GPHN: variants seen among roughly 807,000 people sequenced by gnomAD.
The protein encoded by GPHN is gephyrin.
GPHN carries 17 observed loss-of-function variants against 95.5 expected under a neutral mutation model. The ratio of observed to expected loss-of-function variants is 0.18; its 90% CI spans 0.12 to 0.27. The LOEUF is 0.27. Ranked by LOEUF, GPHN falls within the 10% of genes least tolerant of loss-of-function variation. The pLI is 1.00. For synonymous variants in GPHN, 320 were observed against 322.5 expected (o/e 0.99, Z 0.08); for missense variants, 660 against 978.1 (o/e 0.67, Z 4.34).
chr14:67,226,767 A>G, the GPHN span, among the ~76,000 whole-genome samples: 2 of 152,212 alleles, frequency 1.3e-5, no homozygotes, highest in Admixed American at 6.5e-5. Context: ...TCCACACTCC[A>G]TAATTCCCTG....
intron 4 of GPHN, among the ~76,000 whole-genome samples, chr14:66,833,521 T>A (rs1473791227): frequency 1.3e-5 from 2 of 152,176 alleles, no homozygotes; most frequent in African/African-American, 4.8e-5. Context: ...ATGAGTCTCC[T>A]ATCAGCCAGT....
chr14:67,221,108 C>T, the GPHN span, among the ~76,000 whole-genome samples: 4 of 152,114 alleles, frequency 2.6e-5, no homozygotes, highest in Non-Finnish European at 5.9e-5. Flanking sequence ...TGATTATTAT[C>T]AGTTTTAAAA....
chr14:67,292,853 A>T, the GPHN span: 2 of 648,846 alleles, frequency 3.1e-6, no homozygotes, highest in Non-Finnish European at 4.8e-6. Flanking sequence ...TTAATAATGT[A>T]TTGTGACAGT....
At chr14:66,999,741 C>G (rs2072088272) in intron 9 of GPHN, among the ~76,000 whole-genome samples, 1 of 151,762 alleles carries the variant, frequency 6.6e-6, no homozygotes. Flanking sequence ...TTTTCAAATC[C>G]TTTGAAAAGA....
chr14:66,798,632 A>T (rs1005540929), intron 3 of GPHN, among the ~76,000 whole-genome samples: 7 of 151,788 alleles, frequency 4.6e-5, no homozygotes, highest in African/African-American at 1.7e-4. Context: ...GATCCTTTGA[A>T]TTTCTGCAGT....
chr14:67,132,756 C>A (rs2079800039), intron 17 of GPHN, among the ~76,000 whole-genome samples: 1 of 151,902 alleles, frequency 6.6e-6, no homozygotes, highest in African/African-American at 2.4e-5. Flanking sequence ...CTACCCCAAA[C>A]TCATAAAAAG....
rs139585227 is a variant in GPHN, at chr14:67,049,211, T to TTTGTTGTTGTTGTTGTTG, written c.1007-9423_1007-9406dup. 5.6e-4 allele frequency among the ~76,000 whole-genome samples: 84 copies of TTTGTTGTTGTTGTTGTTG among 150,946 alleles called. 1 individual carries two copies. The highest frequency in any genetic ancestry group is 3.4e-3 in the Middle Eastern group (1 of 294). ...TTGGTCCTTTTTCCTGCTGATTAAG[T>TTTGTTGTTGTTGTTGTTG]TTGTTGTTGTTGTTGTTGTTGTTGT... On this transcript the variant is annotated intron_variant, in intron 10 of 22. Coordinates refer to ENST00000478722, the MANE Select transcript of GPHN (RefSeq NM_020806.5).
chr14:66,596,469 T>G (rs1333690215), intron 1 of GPHN, among the ~76,000 whole-genome samples: 2 of 152,134 alleles, frequency 1.3e-5, no homozygotes, highest in African/African-American at 4.8e-5. Context: ...CAGGCCTGCA[T>G]CAAGCCACTC....
chr14:67,092,180 C>T (rs981040536), intron 12 of GPHN, among the ~76,000 whole-genome samples: 1 of 152,076 alleles, frequency 6.6e-6, no homozygotes, highest in African/African-American at 2.4e-5. Context: ...AAGATAAACT[C>T]TATGAATCCT....
chr14:66,929,142 A>G (rs769493880), intron 8 of GPHN, among the ~76,000 whole-genome samples: 7 of 148,586 alleles, frequency 4.7e-5, no homozygotes, highest in African/African-American at 1.0e-4. Context: ...TGCAACCTCT[A>G]CCTCCAAGGT....
intron 8 of GPHN, among the ~76,000 whole-genome samples, chr14:66,936,106 C>T (rs913441897): frequency 3.9e-5 from 6 of 152,084 alleles, no homozygotes; most frequent in South Asian, 4.1e-4. Context: ...GGTCCAGGTG[C>T]GGTGGCTCAC....
At chr14:67,249,779 T>C in the GPHN span, among the ~76,000 whole-genome samples, 1 of 152,240 alleles carries the variant, frequency 6.6e-6, no homozygotes. Flanking sequence ...AGAATGTAAC[T>C]TAAAATACAT....
At chr14:66,586,082 G>A (rs980041604) in intron 1 of GPHN, among the ~76,000 whole-genome samples, 1 of 152,086 alleles carries the variant, frequency 6.6e-6, no homozygotes, top group Non-Finnish European at 1.5e-5. Context: ...CCTGTATTGG[G>A]TGCATATATA....
the GPHN span, among the ~76,000 whole-genome samples, chr14:67,666,470 T>C: frequency 2.0e-5 from 3 of 152,358 alleles, no homozygotes; most frequent in Admixed American, 2.0e-4. Flanking sequence ...ACTACATTTA[T>C]GAGATCCTTT....
chr14:66,808,749 A>G (rs2060649236), intron 3 of GPHN, among the ~76,000 whole-genome samples: 1 of 152,200 alleles, frequency 6.6e-6, no homozygotes, highest in African/African-American at 2.4e-5. Flanking sequence ...GTGAGCCAAG[A>G]TCGCACCACT....
chr14:66,932,467 T>TTTG (rs2066874453), intron 8 of GPHN, among the ~76,000 whole-genome samples: 1 of 136,488 alleles, frequency 7.3e-6, no homozygotes, highest in Non-Finnish European at 1.6e-5. Context: ...TTTTTTTTTT[T>TTTG]TTTTTTTTTT....
At chr14:67,142,188 AGAC>A (rs1388976988) in intron 17 of GPHN, among the ~76,000 whole-genome samples, 1 of 152,244 alleles carries the variant, frequency 6.6e-6, no homozygotes, top group Non-Finnish European at 1.5e-5. Flanking sequence ...AGAATTTTTC[AGAC>A]AACAAGAGTA....
intron 1 of GPHN, among the ~76,000 whole-genome samples, chr14:66,640,363 A>G (rs942827280): frequency 6.6e-6 from 1 of 152,186 alleles, no homozygotes; most frequent in Non-Finnish European, 1.5e-5. Flanking sequence ...CAAAGGTTGC[A>G]GTGAGCCAAG....
the GPHN span, among the ~76,000 whole-genome samples, chr14:67,582,600 C>T: frequency 1.3e-5 from 2 of 152,092 alleles, no homozygotes; most frequent in Non-Finnish European, 2.9e-5. This position sits in a 1 kb window ranked among gnomAD's most constrained non-coding sequence, Gnocchi z 5.0. Context: ...GGGCAGATCA[C>T]CTGAGGCCAG....
Sources: allele counts gnomAD v4.1 joint callset (sites outside exome capture counted in the v4.1 genomes callset), GRCh38; gene constraint gnomAD v4.1.1; non-coding constraint Gnocchi (gnomAD v3.1); transcripts MANE v1.5; gene names NCBI Gene and HGNC (gene_info 2026-07-23, HGNC 2026-07-21).